Variants in KDM5C observed in about 807,000 individuals in gnomAD.
The protein encoded by KDM5C is lysine demethylase 5C.
A neutral mutation model predicts 110.6 loss-of-function variants in KDM5C; 16 were observed. The ratio of observed to expected loss-of-function variants is 0.14; its 90% CI spans 0.10 to 0.22. KDM5C has a LOEUF of 0.22. Ranked by LOEUF, KDM5C falls within the 10% of genes least tolerant of loss-of-function variation. The probability of loss-of-function intolerance (pLI) is 1.00; values close to 1 mark genes in which losing one functional copy is unlikely to be tolerated. For missense variants in KDM5C, 681 were observed against 1,300.9 expected, an observed-to-expected ratio of 0.52 and a Z score of 7.33; for synonymous variants, 511 against 520.4, an observed-to-expected ratio of 0.98 and a Z score of 0.24.
chrX:53,217,353 C>G, intron 4 of KDM5C, 76 bp from the exon 5 acceptor site: 1 of 1,121,890 alleles, frequency 8.9e-7, no homozygotes, highest in Non-Finnish European at 1.2e-6. Flanking sequence ...CTACCCTCAC[C>G]CAATGGCATC....
intron 25 of KDM5C, among the ~76,000 whole-genome samples, chrX:53,179,865 C>G (rs1488910034): frequency 8.9e-6 from 1 of 111,929 alleles, no homozygotes; most frequent in African/African-American, 3.2e-5. Flanking sequence ...CTTTGGAAGA[C>G]AGTTTGGTAG....
intron 25 of KDM5C, among the ~76,000 whole-genome samples, chrX:53,184,634 T>C (rs1020631543): frequency 1.2e-4 from 13 of 112,371 alleles, no homozygotes; most frequent in Admixed American, 3.8e-4. Context: ...GATTTTCTTA[T>C]GTTGAACCAT....
At chrX:53,188,153 G>A (rs1456002446), downstream of KDM5C, among the ~76,000 whole-genome samples, 4 of 111,691 alleles carry the variant, frequency 3.6e-5, no homozygotes, top group African/African-American at 9.8e-5. Flanking sequence ...ACCTGATTTA[G>A]ATGTTCTGGA....
At chrX:53,215,715 AC>A in intron 7 of KDM5C, 79 bp downstream of exon 7, 1 of 1,059,006 alleles carries the variant, frequency 9.4e-7, no homozygotes, top group East Asian at 3.0e-5. Context: ...GTTAATGCGA[AC>A]TGGTCCAGTG....
chrX:53,198,306 T>C (rs2073026298), intron 17 of KDM5C, among the ~76,000 whole-genome samples, 184 bp downstream of exon 17: 1 of 112,236 alleles, frequency 8.9e-6, no homozygotes. Flanking sequence ...CTCTCCTTTT[T>C]AGGTGGCCTG....
chrX:53,194,736 G>A lies in KDM5C; in HGVS notation c.3441C>T (p.Ile1147=), dbSNP rs45442400. ...AQDLRDPGSV[I]VAFKEGEQKE... Reference sequence around the variant, plus strand: ...TCTGTTCCCCCTCCTTGAAGGCCACGATCTGCCATACCCAGGACAGGAGCA... The same window carrying A: ...TCTGTTCCCCCTCCTTGAAGGCCACAATCTGCCATACCCAGGACAGGAGCA... Residue 1147 remains isoleucine (I), a splice_region_variant and synonymous_variant, in exon 23 of 26, where the codon ATC becomes ATT. Coordinates refer to ENST00000375401, the MANE Select transcript of KDM5C (RefSeq NM_004187.5). 141 of 1,207,651 alleles carry A rather than the reference G, an allele frequency of 1.2e-4. No homozygotes were observed. Among genetic ancestry groups the A allele is most frequent in the Non-Finnish European group, 1.5e-4 (135 of 894,531 alleles).
chrX:53,205,710 A>C (rs781879582), intron 12 of KDM5C, among the ~76,000 whole-genome samples: 1 of 111,450 alleles, frequency 9.0e-6, no homozygotes, highest in South Asian at 3.7e-4. Context: ...TATTCCACTT[A>C]TTTACTCCTC....
intron 23 of KDM5C, 137 bp downstream of exon 23, chrX:53,194,002 G>C (rs1556833546): frequency 5.2e-6 from 5 of 969,666 alleles, no homozygotes; most frequent in Non-Finnish European, 1.4e-6. Context: ...TAGGAATCTG[G>C]ACAGATGCAG....
At chrX:53,215,633 A>G (rs2073718117) in intron 7 of KDM5C, 162 bp downstream of exon 7, 1 of 519,811 alleles carries the variant, frequency 1.9e-6, no homozygotes, top group East Asian at 3.6e-5. Context: ...TCTTTGTTCC[A>G]TATGAGTTGG....
At chrX:53,216,860 G>A (rs1292501797) in intron 5 of KDM5C, among the ~76,000 whole-genome samples, 1 of 112,378 alleles carries the variant, frequency 8.9e-6, no homozygotes, top group Non-Finnish European at 1.9e-5. Flanking sequence ...AGAGAAAGAA[G>A]AGTTCTACTT....
At chrX:53,221,765 G>C in intron 1 of KDM5C, 1 of 978,206 alleles carries the variant, frequency 1.0e-6, no homozygotes, top group Non-Finnish European at 1.3e-6. Context: ...GAAGCCCCAG[G>C]GGGTGGGGGT....
chrX:53,198,676 TGAATAGAGGCAGAGGAAGG>T, intron 16 of KDM5C, 39 bp from the exon 17 acceptor site: 1 of 1,211,366 alleles, frequency 8.3e-7, no homozygotes, highest in Non-Finnish European at 1.1e-6. Context: ...TAGGCAGTAT[TGAATAGAGGCAGAGGAAGG>T]GGGTCAGAGT....
In KDM5C at chrX:53,195,517, G is replaced by A. The variant is rs111575276; in HGVS notation, c.3121-107C>T. On this transcript the variant is annotated intron_variant, in intron 20 of 25. Coordinates refer to ENST00000375401, the MANE Select transcript of KDM5C (RefSeq NM_004187.5). ...AGATGAACTGGGCTCAGTCTTGAGG[G>A]ATTAAAAAAATAGGTGTCATCCTAA... 6.4e-3 allele frequency: 5,044 copies of A among 792,730 alleles called. 148 individuals are homozygous for A. In the African/African-American group the frequency reaches 0.092, roughly 14 times the overall value. 65.3% of individuals were successfully genotyped at this position (792,730 alleles called of 1,213,427 possible).
Position 53,198,544 on chromosome X carries a change from T to C in KDM5C, c.2462A>G (p.Glu821Gly), listed in dbSNP as rs377327486. 8 of 1,210,121 alleles carry C rather than the reference T, an allele frequency of 6.6e-6. No individual in the cohort carries two copies. The highest frequency in any genetic ancestry group is 8.9e-6 in the Non-Finnish European group (8 of 894,498). ...LLQQLKNCLS[E>G]AEACVSRALG... is the part of the protein sequence containing the mutation. ...AGCTCGGGACACGCAAGCCTCTGCCTCACTCAGGCAGTTCTTTAGTTGCTG... is the reference window on the plus strand; with the variant it reads ...AGCTCGGGACACGCAAGCCTCTGCCCCACTCAGGCAGTTCTTTAGTTGCTG... The change falls in exon 17 of 26, where the codon GAG becomes GGG. Residue 821 changes from glutamate (E) to glycine (G), a missense_variant. By Grantham distance (98) the Glu-to-Gly change is moderately conservative (BLOSUM62 -2). Coordinates refer to ENST00000375401, the MANE Select transcript of KDM5C (RefSeq NM_004187.5).
chrX:53,218,715 A>G (rs1383770762), intron 2 of KDM5C: 4 of 372,850 alleles, frequency 1.1e-5, no homozygotes, highest in Admixed American at 9.8e-5. Context: ...AGCTGGAACT[A>G]TAGGCGCACG....
intron 1 of KDM5C, 33 bp downstream of exon 1, chrX:53,224,707 T>C (rs1556856081): frequency 8.3e-7 from 1 of 1,209,030 alleles, no homozygotes; most frequent in East Asian, 3.0e-5. Context: ...TCATTCCGTC[T>C]CGCCGCCGGC....
intron 12 of KDM5C, among the ~76,000 whole-genome samples, chrX:53,206,913 G>A (rs1483820431): frequency 3.1e-5 from 3 of 95,319 alleles, no homozygotes; most frequent in Non-Finnish European, 4.1e-5. Context: ...AGTGGCTCAT[G>A]CCTGTAATCC....
At position 53,214,613 on chromosome X, in the gene KDM5C, A is replaced by ACTAT; in HGVS notation, c.1122+75_1122+76insATAG. 7 of 1,083,443 alleles carry ACTAT rather than the reference A, an allele frequency of 6.5e-6. No individual in the cohort carries two copies. In the South Asian group the frequency reaches 1.2e-4, roughly 18 times the overall value. The allele number at this position is 1,083,443 out of a possible 1,213,427, so 89.3% of individuals were successfully genotyped here. A position where few individuals can be genotyped will look rare whatever the true frequency, so the allele number is the denominator to read the frequency against. On this transcript the variant is annotated intron_variant, in intron 8 of 25. Transcript: ENST00000375401. ...AACCTAAGACTATGGCTGAGCTAAG[A>ACTAT]GGCTGCCCTCAATAAGGCCAGATGA...
intron 12 of KDM5C, among the ~76,000 whole-genome samples, chrX:53,208,436 T>C (rs2073429692): frequency 2.2e-5 from 2 of 91,757 alleles, no homozygotes. Flanking sequence ...TATATATATA[T>C]ATATATACAC....
Sources: gnomAD v4.1 joint callset for allele counts (sites outside exome capture counted in the v4.1 genomes callset) on GRCh38, gnomAD v4.1.1 for gene constraint, MANE v1.5 for transcripts, NCBI Gene and HGNC (gene_info 2026-07-23, HGNC 2026-07-21) for gene names.